The following RAN variants were observed in gnomAD, a reference collection of about 807,000 sequenced individuals.
RAN encodes the protein GTP-binding nuclear protein Ran.
A neutral mutation model predicts 26.8 loss-of-function variants in RAN; 2 were observed. The ratio of observed to expected loss-of-function variants is 0.07; its 90% confidence interval spans 0.03 to 0.23. RAN has a LOEUF of 0.23. RAN is among the 10% of genes least tolerant of loss of function. The probability of loss-of-function intolerance (pLI) is 1.00; values close to 1 mark genes in which losing one functional copy is unlikely to be tolerated. For synonymous variants in RAN, 132 were observed against 95.9 expected, an observed-to-expected ratio of 1.38 and a Z score of -2.20; for missense variants, 56 against 264.8, an observed-to-expected ratio of 0.21 and a Z score of 5.47.
intron 4 of RAN, chr12:130,873,590 A>T (rs2136401701): frequency 6.1e-6 from 1 of 163,738 alleles, no homozygotes; most frequent in African/African-American, 2.4e-5. Flanking sequence ...AGTTGTGCAG[A>T]GTATTTTTCT....
chr12:130,875,352 G>C (rs1408494921), intron 5 of RAN, among the ~76,000 whole-genome samples: 1 of 151,940 alleles, frequency 6.6e-6, no homozygotes, highest in African/African-American at 2.4e-5. Context: ...CTTCTGAGTA[G>C]CTGGGCTCAC....
At chr12:130,872,941 C>T (rs1393849342) in intron 3 of RAN, 21 bp downstream of exon 3, 1 of 1,614,218 alleles carries the variant, frequency 6.2e-7, no homozygotes, top group Admixed American at 1.7e-5. Context: ...GAAAACCTTG[C>T]TTGTGGAAAT....
chr12:130,874,409 C>G, intron 4 of RAN, 137 bp from the exon 5 acceptor site: 3 of 626,648 alleles, frequency 4.8e-6, no homozygotes, highest in East Asian at 2.9e-5. Context: ...TGACAGAGAC[C>G]TTGAAAGTGA....
At position 130,874,746 on chromosome 12, in the gene RAN, A is replaced by G. The variant is rs1475815066; in HGVS notation, c.435+13A>G. On this transcript the variant is annotated intron_variant, in intron 5 of 6. Coordinates refer to ENST00000543796, the MANE Select transcript of RAN (RefSeq NM_006325.5). ...GAAGAATCTTCAGGTGTGTAAAATT[A>G]AAACTTCCTGAGTTATTTCTCTTAG... 1 of 1,600,888 alleles carries G rather than the reference A, an allele frequency of 6.2e-7. No homozygotes were observed. Among genetic ancestry groups the G allele is most frequent in the Non-Finnish European group, 8.5e-7 (1 of 1,170,322 alleles).
At chr12:130,873,831 A>G (rs1358795451) in intron 4 of RAN, 1 of 162,278 alleles carries the variant, frequency 6.2e-6, no homozygotes, top group African/African-American at 2.4e-5. Flanking sequence ...TACCATAGTT[A>G]TTCCTGCAGG....
intron 3 of RAN, 33 bp downstream of exon 3, chr12:130,872,953 T>A (rs377192182): frequency 6.2e-7 from 1 of 1,614,198 alleles, no homozygotes; most frequent in Non-Finnish European, 8.5e-7. Context: ...TGTGGAAATA[T>A]GTGAGAAATG....
chr12:130,872,874 C>T lies in RAN; in HGVS notation c.75C>T (p.Thr25=), dbSNP rs199512241. ...LVGDGGTGKT[T]FVKRHLTGEF... is the part of the protein sequence containing the mutation. ...GTGATGGTGGTACTGGAAAAACGAC[C>T]TTCGTGAAACGTCATTTGACTGGTG... The change falls in exon 3 of 7, where the codon ACC becomes ACT. Residue 25 remains threonine, a synonymous_variant. Coordinates refer to ENST00000543796, the MANE Select transcript of RAN (RefSeq NM_006325.5). 2.5e-5 allele frequency: 41 copies of T among 1,614,160 alleles called. No individual in the cohort carries two copies. The Middle Eastern group carries it at 8.2e-4, about 32-fold the overall frequency.
rs769792621 is a variant in RAN at position 130,874,697 on chromosome 12, G to A, written c.399G>A (p.Ala133=). The change falls in exon 5 of 7, where the codon GCG becomes GCA. Residue 133 remains alanine (A), a synonymous_variant. Transcript: ENST00000543796. ...KVDIKDRKVK[A]KSIVFHRKKN... ...ATATTAAGGACAGGAAAGTGAAGGC[G>A]AAATCCATTGTCTTCCACCGAAAGA... 1.6e-5 allele frequency: 26 copies of A among 1,613,302 alleles called. No homozygotes were observed. The highest frequency in any genetic ancestry group is 1.0e-4 in the Admixed American group (6 of 59,914).
chr12:130,874,323 G>A, intron 4 of RAN: 2 of 467,856 alleles, frequency 4.3e-6, no homozygotes, highest in South Asian at 7.7e-5. Flanking sequence ...AGTATTAATG[G>A]TGAAGTATAT....
intron 5 of RAN, 124 bp downstream of exon 5, chr12:130,874,857 C>G (rs925536791): frequency 3.6e-6 from 3 of 842,444 alleles, no homozygotes; most frequent in Non-Finnish European, 5.4e-6. Flanking sequence ...GAGTCTTCCT[C>G]TGTCCCCCAT....
intron 4 of RAN, chr12:130,873,987 A>T (rs1192480436): frequency 2.6e-6 from 1 of 386,782 alleles, no homozygotes; most frequent in Non-Finnish European, 5.3e-6. Context: ...AGCTTGGACT[A>T]TAGGCACGTG....
At position 130,874,724 on chromosome 12, in the gene RAN, G is replaced by A. The variant is rs1288761919; in HGVS notation, c.426G>A (p.Lys142=). 1 of 1,611,846 alleles carries A rather than the reference G, an allele frequency of 6.2e-7. No individual in the cohort carries two copies. The highest frequency in any genetic ancestry group is 8.5e-7 in the Non-Finnish European group (1 of 1,178,752). ...AATCCATTGTCTTCCACCGAAAGAA[G>A]AATCTTCAGGTGTGTAAAATTAAAA... The part of the protein sequence containing the change: ...KAKSIVFHRK[K]NLQYYDISAK... The change falls in exon 5 of 7, where the codon AAG becomes AAA. Residue 142 remains lysine (K), a synonymous_variant. Transcript: ENST00000543796.
intron 1 of RAN, 44 bp from the exon 2 acceptor site, chr12:130,872,522 AGCGGGGCCGCCATGGGCT>A (rs759231461): frequency 7.3e-6 from 9 of 1,238,148 alleles, no homozygotes; most frequent in Non-Finnish European, 9.2e-6. Context: ...GGGGCGCGGG[AGCGGGGCCGCCATGGGCT>A]GCGGGGCCGC....
At chr12:130,875,026 A>G (rs951440819) in intron 5 of RAN, among the ~76,000 whole-genome samples, 2 of 152,000 alleles carry the variant, frequency 1.3e-5, no homozygotes, top group Admixed American at 6.6e-5. Flanking sequence ...GGTTTCCACC[A>G]TGTTGGTCAG....
At position 130,872,089 on chromosome 12, in the gene RAN, C is replaced by A; in HGVS notation, c.-48C>A. On this transcript the variant is annotated 5_prime_UTR_variant, in exon 1 of 7. Coordinates refer to ENST00000543796, the MANE Select transcript of RAN (RefSeq NM_006325.5). ...TTGAATTGCGCTTCCGCCATCTTTC[C>A]AGCCTCAGTCGGACGGGCGCGGAGA... is the stretch of plus-strand genomic sequence containing the variant. 1 of 323,894 alleles carries A rather than the reference C, an allele frequency of 3.1e-6. No individual in the cohort carries two copies. 20.1% of individuals were successfully genotyped at this position (323,894 alleles called of 1,614,324 possible). A position where few individuals can be genotyped will look rare whatever the true frequency, so the allele number is the denominator to read the frequency against.
rs1565954449 is a variant in RAN, at chr12:130,872,821, T to C, written c.37-15T>C. ...AAGTGTTTAGGGTTTACTTCCAAAA[T>C]GTGTTTTTCAACAGCTTGTATTGGT... On this transcript the variant is annotated splice_polypyrimidine_tract_variant and intron_variant, in intron 2 of 6. Transcript: ENST00000543796. 1.2e-6 allele frequency: 2 copies of C among 1,614,008 alleles called. No individual in the cohort carries two copies. Among genetic ancestry groups the C allele is most frequent in the Non-Finnish European group, 1.7e-6 (2 of 1,179,846 alleles).
At chr12:130,873,832 T>C (rs12310725) in intron 4 of RAN, 7,358 of 162,106 alleles carry the variant, frequency 0.045, 239 homozygotes, top group Non-Finnish European at 0.066. Context: ...ACCATAGTTA[T>C]TCCTGCAGGT....
At chr12:130,875,359 T>C (rs1043390258) in intron 5 of RAN, among the ~76,000 whole-genome samples, 3 of 151,996 alleles carry the variant, frequency 2.0e-5, no homozygotes, top group African/African-American at 7.2e-5. Context: ...GTAGCTGGGC[T>C]CACAGGCACT....
At chr12:130,875,572 A>G in intron 5 of RAN, 40 bp from the exon 6 acceptor site, 2 of 1,484,670 alleles carry the variant, frequency 1.3e-6, no homozygotes, top group Admixed American at 4.4e-5. Context: ...TCATCTTAAT[A>G]ATGAATTTTA....
Sources: gnomAD v4.1 joint callset for allele counts (sites outside exome capture counted in the v4.1 genomes callset) on GRCh38, gnomAD v4.1.1 for gene constraint, MANE v1.5 for transcripts, NCBI Gene and HGNC (gene_info 2026-07-23, HGNC 2026-07-21) for gene names.